The following ELP4 variants were observed in gnomAD, a reference collection of about 807,000 sequenced individuals.
ELP4 encodes the protein elongator complex protein 4.
ELP4 carries 51 observed loss-of-function variants against 48.9 expected under a neutral mutation model. The observed-to-expected ratio is 1.04, with a 90% CI of 0.83 to 1.32. ELP4 has a LOEUF of 1.32. Ranked by LOEUF, ELP4 falls within the 40% of genes most tolerant of loss-of-function variation. The pLI is 0.00. For missense variants in ELP4, 519 were observed against 514.6 expected (o/e 1.01, Z -0.08); for synonymous variants, 210 against 189.2 (o/e 1.11, Z -0.90).
chr11:31,718,042 C>T (rs1946878308), intron 9 of ELP4, among the ~76,000 whole-genome samples: 1 of 152,160 alleles, frequency 6.6e-6, no homozygotes, highest in Non-Finnish European at 1.5e-5. Flanking sequence ...AGAGATCCAC[C>T]TGCCTCAGCC....
intron 3 of ELP4, among the ~76,000 whole-genome samples, chr11:31,553,745 C>CAA (rs1175104880): frequency 6.6e-6 from 1 of 151,420 alleles, no homozygotes; most frequent in Non-Finnish European, 1.5e-5. Context: ...CACACACACA[C>CAA]ACACACACAC....
In ELP4 at chr11:31,627,209, C is replaced by T; in HGVS notation, c.738+15C>T. ...CCAATCCTCAGGTATTAAATAGCTT[C>T]AAAGTCTTTTATAATTATTTATATA... On this transcript the variant is annotated intron_variant, in intron 6 of 9. Transcript: ENST00000640961. 9.5e-7 allele frequency: 1 copy of T among 1,056,574 alleles called. No homozygotes were observed. Among genetic ancestry groups the T allele is most frequent in the Non-Finnish European group, 1.3e-6 (1 of 786,576 alleles). 65.4% of individuals were successfully genotyped at this position (1,056,574 alleles called of 1,614,324 possible).
intron 3 of ELP4, among the ~76,000 whole-genome samples, chr11:31,548,186 A>G (rs1956770634): frequency 6.6e-6 from 1 of 152,202 alleles, no homozygotes; most frequent in Non-Finnish European, 1.5e-5. Context: ...GGAAAAGAGG[A>G]AGTCAAATTG....
intron 3 of ELP4, among the ~76,000 whole-genome samples, chr11:31,585,696 T>A (rs1023768312): frequency 6.6e-6 from 1 of 152,078 alleles, no homozygotes; most frequent in African/African-American, 2.4e-5. Context: ...AAAGAATAAT[T>A]GCATAATTAA....
At chr11:31,774,040 A>T (rs1271393327) in intron 9 of ELP4, among the ~76,000 whole-genome samples, 1 of 152,160 alleles carries the variant, frequency 6.6e-6, no homozygotes, top group Non-Finnish European at 1.5e-5. Context: ...TGAGCCAGAC[A>T]TGGTAGCTTG....
At chr11:31,742,620 T>C (rs1947481159) in intron 9 of ELP4, among the ~76,000 whole-genome samples, 1 of 152,202 alleles carries the variant, frequency 6.6e-6, no homozygotes, top group Non-Finnish European at 1.5e-5. Context: ...AAAAGAATTT[T>C]CAACCCAGAA....
chr11:31,663,876 T>C (rs1052653858), intron 9 of ELP4: 2 of 152,084 alleles, frequency 1.3e-5, no homozygotes, highest in African/African-American at 4.8e-5. Context: ...TAATAACTGC[T>C]TTTATTTAAG....
chr11:31,632,444 T>A, intron 7 of ELP4, 39 bp downstream of exon 7: 1 of 1,518,810 alleles, frequency 6.6e-7, no homozygotes, highest in Non-Finnish European at 9.0e-7. Flanking sequence ...TAATTCATAG[T>A]AATATAGTAT....
At chr11:31,608,868 C>T (rs1354009170) in intron 5 of ELP4, among the ~76,000 whole-genome samples, 1 of 152,018 alleles carries the variant, frequency 6.6e-6, no homozygotes, top group East Asian at 1.9e-4. Flanking sequence ...GCCCTGCTAT[C>T]GATTAGAAAA....
chr11:31,528,851 A>C (rs1292548476), intron 2 of ELP4, among the ~76,000 whole-genome samples: 1 of 152,166 alleles, frequency 6.6e-6, no homozygotes, highest in Non-Finnish European at 1.5e-5. Flanking sequence ...ATTTTCTGGC[A>C]TGAAATTTAG....
chr11:31,565,405 T>C (rs1165109835), intron 3 of ELP4, among the ~76,000 whole-genome samples: 2 of 147,902 alleles, frequency 1.4e-5, no homozygotes, highest in African/African-American at 2.6e-5. Flanking sequence ...ATTTTGGCTT[T>C]TGTTGCCATT....
At chr11:31,589,436 A>G (rs1957533406) in intron 3 of ELP4, among the ~76,000 whole-genome samples, 1 of 152,200 alleles carries the variant, frequency 6.6e-6, no homozygotes, top group African/African-American at 2.4e-5. Context: ...AGCTATATAT[A>G]AATATGGACA....
At chr11:31,521,900 A>G (rs1051361756) in intron 2 of ELP4, among the ~76,000 whole-genome samples, 1 of 152,184 alleles carries the variant, frequency 6.6e-6, no homozygotes, top group Non-Finnish European at 1.5e-5. Flanking sequence ...CTCTCAACTC[A>G]GCCATTGATT....
At chr11:31,735,987 T>C (rs535768787) in intron 9 of ELP4, among the ~76,000 whole-genome samples, 62 of 152,248 alleles carry the variant, frequency 4.1e-4, no homozygotes, top group African/African-American at 1.4e-3. Context: ...TTAAAGTTCA[T>C]ATGGAACCAA....
intron 5 of ELP4, among the ~76,000 whole-genome samples, chr11:31,614,211 G>T (rs1171085066): frequency 6.6e-6 from 1 of 152,108 alleles, no homozygotes; most frequent in African/African-American, 2.4e-5. Flanking sequence ...TTGGAGTTGA[G>T]AAATAGCAAT....
intron 3 of ELP4, among the ~76,000 whole-genome samples, chr11:31,579,263 A>G (rs984671877): frequency 6.6e-6 from 1 of 152,202 alleles, no homozygotes; most frequent in Non-Finnish European, 1.5e-5. Context: ...TAGAATGGCG[A>G]TCATTAAAAA....
intron 3 of ELP4, among the ~76,000 whole-genome samples, chr11:31,586,262 G>A (rs1957471753): frequency 6.6e-6 from 1 of 151,894 alleles, no homozygotes; most frequent in Admixed American, 6.6e-5. Context: ...TATCAACAAA[G>A]ATATATTCTA....
At chr11:31,613,629 C>G (rs1405278571) in intron 5 of ELP4, among the ~76,000 whole-genome samples, 1 of 151,404 alleles carries the variant, frequency 6.6e-6, no homozygotes, top group Non-Finnish European at 1.5e-5. Context: ...CAATATTTGC[C>G]TCTGGGTGGT....
chr11:31,523,302 T>C (rs1296692431), intron 2 of ELP4, among the ~76,000 whole-genome samples: 1 of 152,208 alleles, frequency 6.6e-6, no homozygotes, highest in African/African-American at 2.4e-5. Context: ...TAGGAGCCTA[T>C]GGTATTACTA....
Sources: gnomAD v4.1 joint callset for allele counts (sites outside exome capture counted in the v4.1 genomes callset) on GRCh38, gnomAD v4.1.1 for gene constraint, MANE v1.5 for transcripts, NCBI Gene and HGNC (gene_info 2026-07-23, HGNC 2026-07-21) for gene names.